The following GLT8D2 variants were observed in gnomAD, a reference collection of about 807,000 sequenced individuals.
GLT8D2 encodes glycosyltransferase 8 domain containing 2.
Under a neutral mutation model 44.5 loss-of-function variants are expected in GLT8D2, and 45 were observed. That is an observed-to-expected ratio of 1.01 (90% CI 0.80 to 1.30). The LOEUF (loss-of-function observed/expected upper bound fraction) is 1.30. Ranked by LOEUF, GLT8D2 falls within the 50% of genes most tolerant of loss-of-function variation. GLT8D2 has a pLI of 0.00. For synonymous variants in GLT8D2, 156 were observed against 157.2 expected (o/e 0.99, Z 0.06); for missense variants, 400 against 430.4 (o/e 0.93, Z 0.62).
At chr12:104,015,621 AT>A (rs1286956482) in intron 3 of GLT8D2, among the ~76,000 whole-genome samples, 2 of 152,012 alleles carry the variant, frequency 1.3e-5, no homozygotes, top group Non-Finnish European at 2.9e-5. Context: ...CTGGAACACT[AT>A]TGTTGCTCAG....
At chr12:104,036,413 C>T (rs1045615826) in intron 1 of GLT8D2, among the ~76,000 whole-genome samples, 46 of 152,198 alleles carry the variant, frequency 3.0e-4, no homozygotes, top group African/African-American at 1.1e-3. Flanking sequence ...ATTCAGGAGA[C>T]CCATCTCATG....
chr12:104,011,436 T>C (rs1875814206), intron 4 of GLT8D2, among the ~76,000 whole-genome samples: 1 of 152,242 alleles, frequency 6.6e-6, no homozygotes, highest in African/African-American at 2.4e-5. Context: ...AAATGTCTGC[T>C]TTCCTAATGC....
intron 4 of GLT8D2, among the ~76,000 whole-genome samples, chr12:104,009,660 C>T (rs768149106): frequency 6.6e-6 from 1 of 152,134 alleles, no homozygotes; most frequent in Non-Finnish European, 1.5e-5. Flanking sequence ...TGGTTTGGCT[C>T]TGTGTCCCCA....
At chr12:104,027,295 T>C (rs188636171) in intron 1 of GLT8D2, among the ~76,000 whole-genome samples, 138 of 152,332 alleles carry the variant, frequency 9.1e-4, no homozygotes, top group African/African-American at 2.9e-3. Context: ...TTAGGTGATA[T>C]GTATGCATCT....
intron 1 of GLT8D2, among the ~76,000 whole-genome samples, chr12:104,062,422 G>T: frequency 6.6e-6 from 1 of 152,086 alleles, no homozygotes; most frequent in East Asian, 2.0e-4. Context: ...AAAAAGCTTA[G>T]ATAGATGAGA....
intron 1 of GLT8D2, among the ~76,000 whole-genome samples, chr12:104,045,937 A>G (rs143498788): frequency 0.032 from 3,657 of 113,572 alleles, 79 homozygotes; most frequent in Non-Finnish European, 0.039. Context: ...GAAAGAAAGA[A>G]AAAGAAAGAA....
At chr12:104,005,482 A>T (rs1368016790) in intron 4 of GLT8D2, among the ~76,000 whole-genome samples, 1 of 152,234 alleles carries the variant, frequency 6.6e-6, no homozygotes, top group Non-Finnish European at 1.5e-5. Flanking sequence ...CAATCTACTC[A>T]TCTGACAAAG....
At position 104,010,028 on chromosome 12, in the gene GLT8D2, A is replaced by AT. The variant is rs1364553024; in HGVS notation, c.112+4984_112+4985insA. Among the ~76,000 whole-genome samples the AT allele has an allele frequency of 2.0e-5, 3 of 151,608 alleles. No homozygotes were observed. The South Asian group carries it at 6.3e-4, about 32-fold the overall frequency. On this transcript the variant is annotated intron_variant, in intron 4 of 10. Transcript: ENST00000360814. The stretch of plus-strand genomic sequence containing the variant: ...GAATTATTTTTATAAACAAACCAAA[A>AT]AAAAAGTTTCTTAAGGATTATTCCT...
Position 103,996,956 on chromosome 12 carries a change from G to A in GLT8D2, c.488-109C>T, listed in dbSNP as rs563317685. 6.3e-5 allele frequency: 42 copies of A among 671,136 alleles called. No homozygotes were observed. In the African/African-American group the frequency reaches 6.5e-4, roughly 10 times the overall value. 41.6% of individuals were successfully genotyped at this position (671,136 alleles called of 1,614,324 possible). On this transcript the variant is annotated intron_variant, in intron 7 of 10. Transcript: ENST00000360814. Reference sequence around the variant, plus strand: ...ATTTTGCTATGGGAGAAGAGTATTGGATCCCTGATTTCAAGTGGCTTGACT... The same window carrying A: ...ATTTTGCTATGGGAGAAGAGTATTGAATCCCTGATTTCAAGTGGCTTGACT...
intron 1 of GLT8D2, among the ~76,000 whole-genome samples, chr12:104,025,209 A>C (rs1031346535): frequency 2.7e-5 from 4 of 150,752 alleles, no homozygotes; most frequent in South Asian, 2.1e-4. Context: ...AATTCATTTT[A>C]TTTTTTTCTT....
intron 4 of GLT8D2, among the ~76,000 whole-genome samples, chr12:104,009,593 T>G (rs11832134): frequency 0.045 from 6,814 of 152,156 alleles, 543 homozygotes; most frequent in African/African-American, 0.16. Context: ...TGAGAAGGCA[T>G]GATTGGTTTT....
chr12:104,060,585 T>G (rs140861931), intron 1 of GLT8D2, among the ~76,000 whole-genome samples: 1 of 152,140 alleles, frequency 6.6e-6, no homozygotes, highest in Non-Finnish European at 1.5e-5. Flanking sequence ...TAAGATGAGA[T>G]CACAGGATGA....
chr12:104,058,486 A>C (rs2220210), intron 1 of GLT8D2, among the ~76,000 whole-genome samples: 41,443 of 152,054 alleles, frequency 0.27, 8,004 homozygotes, highest in African/African-American at 0.53. Context: ...GTGAAGCCAG[A>C]TTGCTTCCTT....
intron 3 of GLT8D2, among the ~76,000 whole-genome samples, chr12:104,017,699 G>A (rs945578985): frequency 6.6e-6 from 1 of 152,214 alleles, no homozygotes; most frequent in South Asian, 2.1e-4. Flanking sequence ...ATGTTGGCAT[G>A]TGTAGTGCAC....
chr12:104,061,327 A>G (rs950190657), intron 1 of GLT8D2, among the ~76,000 whole-genome samples: 1 of 152,342 alleles, frequency 6.6e-6, no homozygotes, highest in East Asian at 1.9e-4. Flanking sequence ...CAAATATCAT[A>G]GACTAGTTTT....
At chr12:104,060,566 T>C (rs1882556764) in intron 1 of GLT8D2, among the ~76,000 whole-genome samples, 1 of 152,184 alleles carries the variant, frequency 6.6e-6, no homozygotes. Context: ...CTTGCTGATA[T>C]AATCAAGTTA....
intron 5 of GLT8D2, among the ~76,000 whole-genome samples, chr12:104,000,951 T>A (rs563046229): frequency 6.6e-6 from 1 of 152,366 alleles, no homozygotes; most frequent in Non-Finnish European, 1.5e-5. Context: ...TATATTCTCC[T>A]TTTGAATGAT....
chr12:104,027,059 C>T (rs969395812), intron 1 of GLT8D2, among the ~76,000 whole-genome samples: 1 of 152,226 alleles, frequency 6.6e-6, no homozygotes, highest in Non-Finnish European at 1.5e-5. Context: ...TAGGAAAACT[C>T]TTCAACAGAG....
chr12:104,026,780 A>G (rs1035367542), intron 1 of GLT8D2, among the ~76,000 whole-genome samples: 1 of 152,214 alleles, frequency 6.6e-6, no homozygotes, highest in African/African-American at 2.4e-5. Flanking sequence ...CTCACACAAA[A>G]AAAGTTAATT....
Sources: allele counts gnomAD v4.1 joint callset (sites outside exome capture counted in the v4.1 genomes callset), GRCh38; gene constraint gnomAD v4.1.1; transcripts MANE v1.5; gene names NCBI Gene and HGNC (gene_info 2026-07-23, HGNC 2026-07-21).